APOBEC3B: variants seen among roughly 807,000 people sequenced by gnomAD.
The protein encoded by APOBEC3B is apolipoprotein B mRNA editing enzyme catalytic subunit 3B.
APOBEC3B carries 29 observed loss-of-function variants against 53.4 expected under a neutral mutation model. The ratio of observed to expected loss-of-function variants is 0.54; its 90% CI spans 0.40 to 0.74. The LOEUF is 0.74. APOBEC3B is among the 30% of genes least tolerant of loss of function. APOBEC3B has a pLI of 0.00. For synonymous variants in APOBEC3B, 132 were observed against 184.8 expected, an observed-to-expected ratio of 0.71 and a Z score of 2.32; for missense variants, 347 against 496.2, an observed-to-expected ratio of 0.70 and a Z score of 2.86.
At chr22:38,983,663 A>G (rs1415605166) in intron 1 of APOBEC3B, among the ~76,000 whole-genome samples, 1 of 149,378 alleles carries the variant, frequency 6.7e-6, no homozygotes, top group Non-Finnish European at 1.5e-5. Flanking sequence ...CTCAGAATTC[A>G]GTTCTACCAT....
chr22:38,991,539 C>G lies in APOBEC3B; in HGVS notation c.931C>G (p.Arg311Gly). ...THVRLRIFAA[R>G]IYDYDPLYKE... ...CGTGAGACTGCGCATCTTCGCTGCC[C>G]GCATCTATGATTACGACCCCCTATA... Residue 311 changes from arginine to glycine, a missense_variant, in exon 6 of 8, where the codon CGC (arginine) becomes GGC (glycine). Physicochemically the swap from Arg to Gly is moderately radical, Grantham distance 125 (BLOSUM62 -2). This residue lies in a region of APOBEC3B where 78 missense variants were observed against 103.9 expected (regional missense o/e 0.75). Coordinates refer to ENST00000333467, the MANE Select transcript of APOBEC3B (RefSeq NM_004900.5). The G allele has an allele frequency of 6.3e-7, 1 of 1,593,718 alleles. No individual in the cohort carries two copies. The highest frequency in any genetic ancestry group is 8.5e-7 in the Non-Finnish European group (1 of 1,172,702).
Position 38,984,145 on chromosome 22 carries a change from C to G in APOBEC3B, c.88C>G (p.Arg30Gly). The G allele has an allele frequency of 1.3e-6, 2 of 1,591,770 alleles. No homozygotes were observed. The highest frequency in any genetic ancestry group is 1.7e-6 in the Non-Finnish European group (2 of 1,171,852). ...NFENEPILYG[R>G]SYTWLCYEVK... ...TGAAAACGAACCCATCCTCTATGGT[C>G]GGAGCTACACTTGGCTGTGCTATGA... The change falls in exon 2 of 8, where the codon CGG (arginine) becomes GGG (glycine). Residue 30 changes from arginine to glycine, a missense_variant. Physicochemically the swap from Arg to Gly is moderately radical, Grantham distance 125 (BLOSUM62 -2). This residue lies in a region of APOBEC3B where 73 missense variants were observed against 90.9 expected (regional missense o/e 0.80). Coordinates refer to ENST00000333467, the MANE Select transcript of APOBEC3B (RefSeq NM_004900.5).
intron 1 of APOBEC3B, among the ~76,000 whole-genome samples, chr22:38,983,106 C>T (rs1335930031): frequency 6.8e-6 from 1 of 147,938 alleles, no homozygotes; most frequent in Non-Finnish European, 1.5e-5. Context: ...ATCATGAGGT[C>T]GGGAGTTTGA....
chr22:38,986,126 G>C, intron 3 of APOBEC3B, 35 bp downstream of exon 3: 6 of 1,583,980 alleles, frequency 3.8e-6, no homozygotes, highest in Non-Finnish European at 5.1e-6. Context: ...GCGTGAGCGG[G>C]AGGAACAGCA....
intron 1 of APOBEC3B, among the ~76,000 whole-genome samples, chr22:38,982,958 G>C (rs1273644272): frequency 6.7e-6 from 1 of 148,626 alleles, no homozygotes; most frequent in East Asian, 2.2e-4. Context: ...TGTCATCCAA[G>C]GATGACTCCA....
At chr22:38,984,988 A>G (rs1466680683) in intron 2 of APOBEC3B, among the ~76,000 whole-genome samples, 1 of 126,900 alleles carries the variant, frequency 7.9e-6, no homozygotes, top group Non-Finnish European at 1.6e-5. Context: ...TACAACCTCC[A>G]CCTCTCAGGT....
In APOBEC3B at chr22:38,986,453, C is replaced by A. The variant is rs371421068; in HGVS notation, c.569+41C>A. 2.3e-5 allele frequency: 36 copies of A among 1,577,530 alleles called. 8 individuals carry two copies. In the East Asian group the frequency reaches 2.5e-4, roughly 11 times the overall value. On this transcript the variant is annotated intron_variant, in intron 4 of 7. Coordinates refer to ENST00000333467, the MANE Select transcript of APOBEC3B (RefSeq NM_004900.5). The stretch of plus-strand genomic sequence containing the variant: ...TGGCCTCATCATCTCTCTCCTCTCA[C>A]CTGCTCATCCTCCTGAGGCCTCCGT...
chr22:38,983,900 C>T (rs1448595538), intron 1 of APOBEC3B, among the ~76,000 whole-genome samples, 175 bp from the exon 2 acceptor site: 1 of 148,192 alleles, frequency 6.7e-6, no homozygotes, highest in Non-Finnish European at 1.5e-5. Context: ...GCCAGCATCC[C>T]CTCCTCTTCC....
chr22:38,990,267 C>T (rs2146293652), intron 5 of APOBEC3B, among the ~76,000 whole-genome samples: 1 of 148,190 alleles, frequency 6.7e-6, no homozygotes, highest in South Asian at 2.3e-4. Flanking sequence ...GTGGGCCTCG[C>T]TGGATCCACA....
At position 38,989,502 on chromosome 22, in the gene APOBEC3B, C is replaced by G; in HGVS notation, c.615C>G (p.Asp205Glu). 1.9e-6 allele frequency: 3 copies of G among 1,588,508 alleles called. 1 individual carries two copies. The highest frequency in any genetic ancestry group is 2.6e-6 in the Non-Finnish European group (3 of 1,169,008). The change falls in exon 5 of 8, where the codon GAC becomes GAG. Residue 205 changes from aspartate (D) to glutamate (E), a missense_variant. Coordinates refer to ENST00000333467, the MANE Select transcript of APOBEC3B (RefSeq NM_004900.5). Reference sequence around the variant, plus strand: ...CATTCACTTTCAACTTTAATAATGACCCTTTGGTCCTTCGACGGCGCCAGA... The same window carrying G: ...CATTCACTTTCAACTTTAATAATGAGCCTTTGGTCCTTCGACGGCGCCAGA... ...PDTFTFNFNNDPLVLRRRQTY... is the reference protein window; with the variant it reads ...PDTFTFNFNNEPLVLRRRQTY...
intron 1 of APOBEC3B, 67 bp downstream of exon 1, chr22:38,982,537 T>G: frequency 6.4e-7 from 1 of 1,568,744 alleles, no homozygotes; most frequent in Non-Finnish European, 8.7e-7. Flanking sequence ...CTGCTGGGCC[T>G]CAACCCTGGC....
In APOBEC3B at chr22:38,983,222, G is replaced by T. The variant is rs1162594447; in HGVS notation, c.17+752G>T. 4.1e-5 allele frequency among the ~76,000 whole-genome samples: 6 copies of T among 148,056 alleles called. 1 individual carries two copies. Among genetic ancestry groups the T allele is most frequent in the Non-Finnish European group, 7.4e-5 (5 of 67,226 alleles). ...AGTCCCAGATACTCAGGAGGTTTAG[G>T]CAGGAGAATTGCTTGAACCTGGGAG... On this transcript the variant is annotated intron_variant, in intron 1 of 7. Transcript: ENST00000333467.
intron 2 of APOBEC3B, among the ~76,000 whole-genome samples, chr22:38,985,075 C>G (rs1297098971): frequency 6.8e-6 from 1 of 147,022 alleles, no homozygotes. Context: ...TTAATTTTTT[C>G]TATTTTTAGT....
rs375951325 is a variant in APOBEC3B at position 38,986,555 on chromosome 22, G to C, written c.569+143G>C. ...ACACCACCTTCCCTTAACTCCTGGT[G>C]CTCCCTCCACACTGCCTCCTCCCTG... On this transcript the variant is annotated intron_variant, in intron 4 of 7. Coordinates refer to ENST00000333467, the MANE Select transcript of APOBEC3B (RefSeq NM_004900.5). The C allele has an allele frequency of 2.5e-5, 26 of 1,025,174 alleles. 2 individuals carry two copies. The South Asian group carries it at 3.8e-4, about 15-fold the overall frequency. 63.5% of individuals were successfully genotyped at this position (1,025,174 alleles called of 1,614,324 possible). A position where few individuals can be genotyped will look rare whatever the true frequency, so the allele number is the denominator to read the frequency against.
chr22:38,982,670 T>C (rs1051711745), intron 1 of APOBEC3B, among the ~76,000 whole-genome samples, 200 bp downstream of exon 1: 3 of 145,938 alleles, frequency 2.1e-5, no homozygotes, highest in Non-Finnish European at 4.5e-5. Flanking sequence ...ATGGGCTGCC[T>C]CCCCTACCTG....
Position 38,991,566 on chromosome 22 carries a change from A to G in APOBEC3B, c.958A>G (p.Lys320Glu), listed in dbSNP as rs376905026. 1.4e-5 allele frequency: 23 copies of G among 1,591,134 alleles called. No individual in the cohort carries two copies. The highest frequency in any genetic ancestry group is 2.7e-5 in the African/African-American group (2 of 74,012). Residue 320 changes from lysine (K) to glutamate (E), a missense_variant, in exon 6 of 8, where the codon AAG (lysine) becomes GAG (glutamate). Physicochemically the swap from Lys to Glu is moderately conservative, Grantham distance 56. Coordinates refer to ENST00000333467, the MANE Select transcript of APOBEC3B (RefSeq NM_004900.5). ...ARIYDYDPLY[K>E]EALQMLRDAG... ...CATCTATGATTACGACCCCCTATAT[A>G]AGGAGGCGCTGCAAATGCTGCGGGA...
chr22:38,982,429 G>C lies in APOBEC3B; in HGVS notation c.-25G>C, dbSNP rs543764189. The C allele has an allele frequency of 1.5e-5, 24 of 1,593,490 alleles. 1 individual carries two copies. The African/African-American group carries it at 2.4e-4, about 16-fold the overall frequency. Reference sequence around the variant, plus strand: ...AGCTTCAAAAAAAGAGCGGGACAGGGACAAGCGTATCTAAGAGGCTGAACA... The same window carrying C: ...AGCTTCAAAAAAAGAGCGGGACAGGCACAAGCGTATCTAAGAGGCTGAACA... On this transcript the variant is annotated 5_prime_UTR_variant, in exon 1 of 8. Coordinates refer to ENST00000333467, the MANE Select transcript of APOBEC3B (RefSeq NM_004900.5).
rs773772191 is a variant in APOBEC3B at position 38,992,523 on chromosome 22, A to C, written c.*78A>C. 6.3e-7 allele frequency: 1 copy of C among 1,599,710 alleles called. No homozygotes were observed. The highest frequency in any genetic ancestry group is 8.5e-7 in the Non-Finnish European group (1 of 1,170,598). On this transcript the variant is annotated 3_prime_UTR_variant, in exon 8 of 8. Coordinates refer to ENST00000333467, the MANE Select transcript of APOBEC3B (RefSeq NM_004900.5). ...TAAAAGATCTTCTTCCAAGAAATGCAAACAGACCGTTCACCACCATCTCCA... is the reference window on the plus strand; with the variant it reads ...TAAAAGATCTTCTTCCAAGAAATGCCAACAGACCGTTCACCACCATCTCCA...
At chr22:38,985,374 G>A (rs1923693277) in intron 2 of APOBEC3B, among the ~76,000 whole-genome samples, 1 of 148,446 alleles carries the variant, frequency 6.7e-6, no homozygotes, top group African/African-American at 2.5e-5. Context: ...GAGGGTGAAG[G>A]TTGTTGCCAC....
Sources: gnomAD v4.1 joint callset for allele counts (sites outside exome capture counted in the v4.1 genomes callset) on GRCh38, gnomAD v4.1.1 for gene constraint, gnomAD v4.1.1 regional missense constraint, MANE v1.5 for transcripts, NCBI Gene and HGNC (gene_info 2026-07-23, HGNC 2026-07-21) for gene names.